Variants in PTPRD observed in about 807,000 individuals in gnomAD.
PTPRD encodes the protein receptor-type tyrosine-protein phosphatase delta.
A neutral mutation model predicts 214.5 loss-of-function variants in PTPRD; 34 were observed. The ratio of observed to expected loss-of-function variants is 0.16; its 90% CI spans 0.12 to 0.21. The LOEUF is 0.21. PTPRD is among the 10% of genes least tolerant of loss of function. The pLI is 1.00. For missense variants in PTPRD, 2,545 were observed against 2,398.7 expected (o/e 1.06, Z -1.27); for synonymous variants, 1,128 against 845.7 (o/e 1.33, Z -5.79).
At chr9:10,155,256 T>C (rs144291235) in intron 3 of PTPRD, among the ~76,000 whole-genome samples, 204 of 152,226 alleles carry the variant, frequency 1.3e-3, no homozygotes, top group African/African-American at 4.7e-3. Flanking sequence ...TTGACGGTTA[T>C]TGGCATATTG....
chr9:9,644,657 C>A (rs1389850891), intron 7 of PTPRD, among the ~76,000 whole-genome samples: 2 of 152,138 alleles, frequency 1.3e-5, no homozygotes, highest in Non-Finnish European at 2.9e-5. Flanking sequence ...AGGCTGGAAA[C>A]TATGGCCCCT....
chr9:8,680,714 A>G (rs943164243), intron 12 of PTPRD, among the ~76,000 whole-genome samples: 1 of 152,220 alleles, frequency 6.6e-6, no homozygotes, highest in African/African-American at 2.4e-5. Context: ...ACATACAAAT[A>G]TGCCTATACT....
At chr9:8,519,750 C>T (rs988228483) in intron 20 of PTPRD, among the ~76,000 whole-genome samples, 12 of 152,040 alleles carry the variant, frequency 7.9e-5, no homozygotes, top group African/African-American at 2.9e-4. Flanking sequence ...TTTTAATTTG[C>T]CATTAAGATT....
intron 3 of PTPRD, 141 bp downstream of exon 3, chr9:10,340,822 C>G (rs1223083161): frequency 1.3e-5 from 2 of 151,884 alleles, no homozygotes; most frequent in Non-Finnish European, 2.9e-5. Flanking sequence ...ACCATTAGTG[C>G]ACTGACCATA....
At chr9:9,749,291 T>C (rs1270772052) in intron 6 of PTPRD, among the ~76,000 whole-genome samples, 1 of 152,192 alleles carries the variant, frequency 6.6e-6, no homozygotes, top group Non-Finnish European at 1.5e-5. Flanking sequence ...ATTATCAGGT[T>C]GGTAAGTTGG....
intron 12 of PTPRD, chr9:8,701,432 CG>C (rs1267166386): frequency 2.0e-5 from 3 of 151,946 alleles, no homozygotes; most frequent in Non-Finnish European, 2.9e-5. Flanking sequence ...GTCGGGAGCT[CG>C]AAACCAGCCT....
chr9:8,578,027 C>G (rs1255743284), intron 14 of PTPRD, among the ~76,000 whole-genome samples: 1 of 152,090 alleles, frequency 6.6e-6, no homozygotes, highest in African/African-American at 2.4e-5. Context: ...TTGTTGAATA[C>G]AGAGCAAATA....
intron 9 of PTPRD, among the ~76,000 whole-genome samples, chr9:9,353,957 T>G (rs2138436476): frequency 6.6e-6 from 1 of 151,776 alleles, no homozygotes; most frequent in Admixed American, 6.6e-5. Flanking sequence ...AAAATTAACT[T>G]CTTTGTGATG....
At chr9:10,215,529 A>G (rs1455843450) in intron 3 of PTPRD, among the ~76,000 whole-genome samples, 2 of 152,064 alleles carry the variant, frequency 1.3e-5, no homozygotes, top group Non-Finnish European at 2.9e-5. Flanking sequence ...ACAGAACAAT[A>G]AGTGATCCTC....
chr9:8,450,086 C>T lies in PTPRD; in HGVS notation c.3876-249G>A, dbSNP rs143354075. Among the ~76,000 whole-genome samples the T allele has an allele frequency of 1.5e-3, 229 of 152,230 alleles. 1 individual carries two copies. Among genetic ancestry groups the T allele is most frequent in the African/African-American group, 5.2e-3 (218 of 41,528 alleles). On this transcript the variant is annotated intron_variant, in intron 33 of 45. Transcript: ENST00000381196. ...CCAACTGCAGGATTAAATAATTCAGCAACTCTGCCTTTTGGTTTCAAAGGG... is the reference window on the plus strand; with the variant it reads ...CCAACTGCAGGATTAAATAATTCAGTAACTCTGCCTTTTGGTTTCAAAGGG...
chr9:9,153,714 T>C (rs920733388), intron 10 of PTPRD, among the ~76,000 whole-genome samples: 1 of 152,156 alleles, frequency 6.6e-6, no homozygotes, highest in African/African-American at 2.4e-5. Flanking sequence ...AGGTGGCAAA[T>C]TTCAAATACA....
At chr9:8,979,802 A>T (rs987616483) in intron 11 of PTPRD, among the ~76,000 whole-genome samples, 1 of 152,136 alleles carries the variant, frequency 6.6e-6, no homozygotes, top group Non-Finnish European at 1.5e-5. Flanking sequence ...AGATTGGTAC[A>T]GCCATTATGG....
chr9:9,275,026 T>C (rs1167861257), intron 9 of PTPRD, among the ~76,000 whole-genome samples: 1 of 118,744 alleles, frequency 8.4e-6, no homozygotes, highest in Non-Finnish European at 1.7e-5. Context: ...GATTGGACCA[T>C]CAAAATCCCT....
chr9:9,683,895 T>C (rs532077358), intron 7 of PTPRD, among the ~76,000 whole-genome samples: 5 of 151,724 alleles, frequency 3.3e-5, no homozygotes, highest in Non-Finnish European at 7.4e-5. Context: ...ACTATTCTAA[T>C]TTTATAGTAA....
At chr9:10,405,795 C>T (rs10733208) in intron 2 of PTPRD, among the ~76,000 whole-genome samples, 117,542 of 151,158 alleles carry the variant, frequency 0.78, 46,475 homozygotes, top group East Asian at 0.88. Context: ...AGCCTAATTA[C>T]ATCAATTCAA....
At chr9:10,033,146 A>C (rs1405103361) in intron 4 of PTPRD, among the ~76,000 whole-genome samples, 1 of 151,282 alleles carries the variant, frequency 6.6e-6, no homozygotes, top group Non-Finnish European at 1.5e-5. Context: ...TACACACACA[A>C]ACCTACATGC....
rs1420842416 is a variant in PTPRD at position 8,470,938 on chromosome 9, G to A, written c.3504+57C>T. 7.1e-5 allele frequency: 106 copies of A among 1,484,292 alleles called. 1 individual carries two copies. In the South Asian group the frequency reaches 1.0e-3, roughly 14 times the overall value. 91.9% of individuals were successfully genotyped at this position (1,484,292 alleles called of 1,614,324 possible). On this transcript the variant is annotated intron_variant, in intron 31 of 45. Transcript: ENST00000381196. ...TGAAAGGCCTCCAAGGGAGGGGGGC[G>A]GAAATGCAGCAGATTAAATAACGAA...
intron 6 of PTPRD, among the ~76,000 whole-genome samples, chr9:9,751,676 A>C (rs1213862741): frequency 6.6e-6 from 1 of 152,090 alleles, no homozygotes; most frequent in African/African-American, 2.4e-5. Context: ...TGTGAAGATG[A>C]AGACAGAGAT....
At chr9:8,444,480 G>C (rs1026641593) in intron 34 of PTPRD, among the ~76,000 whole-genome samples, 1 of 151,924 alleles carries the variant, frequency 6.6e-6, no homozygotes, top group Non-Finnish European at 1.5e-5. Flanking sequence ...GATATTTCTG[G>C]AGACTTAATT....
Sources: gnomAD v4.1 joint callset for allele counts (sites outside exome capture counted in the v4.1 genomes callset) on GRCh38, gnomAD v4.1.1 for gene constraint, MANE v1.5 for transcripts, NCBI Gene and HGNC (gene_info 2026-07-23, HGNC 2026-07-21) for gene names.